Variants in N4BP2 observed in about 807,000 individuals in gnomAD.
N4BP2 encodes NEDD4-binding protein 2.
N4BP2 carries 91 observed loss-of-function variants against 152.8 expected under a neutral mutation model. The observed-to-expected ratio is 0.60, with a 90% CI of 0.50 to 0.71. The LOEUF is 0.71. Among genes scored for constraint, N4BP2 ranks in the 30% least tolerant of loss-of-function variants. N4BP2 has a pLI of 0.00. For missense variants in N4BP2, 1,923 were observed against 2,059.1 expected (o/e 0.93, Z 1.28); for synonymous variants, 646 against 705.3 (o/e 0.92, Z 1.33).
chr4:40,164,336 T>G, the N4BP2 span, among the ~76,000 whole-genome samples: 1 of 152,140 alleles, frequency 6.6e-6, no homozygotes, highest in Non-Finnish European at 1.5e-5. Flanking sequence ...TGGGTATTTG[T>G]TCCTAAGGGA....
downstream of N4BP2, among the ~76,000 whole-genome samples, chr4:40,159,017 C>T (rs1442851305): frequency 3.3e-5 from 5 of 152,096 alleles, no homozygotes; most frequent in African/African-American, 9.7e-5. Context: ...GGGATACTCT[C>T]GTATATGTTA....
intron 2 of N4BP2, among the ~76,000 whole-genome samples, chr4:40,082,005 G>A (rs1254900305): frequency 5.3e-5 from 8 of 152,218 alleles, no homozygotes; most frequent in Middle Eastern, 3.4e-3. Context: ...CCAGCTATTC[G>A]GGAGGCTGAG....
In N4BP2 at chr4:40,097,344, C is replaced by T; in HGVS notation, c.4C>T (p.Pro2Ser). The T allele has an allele frequency of 6.2e-7, 1 of 1,612,236 alleles. No individual in the cohort carries two copies. The highest frequency in any genetic ancestry group is 8.5e-7 in the Non-Finnish European group (1 of 1,178,606). M[P>S]RRRKNLGGNP... is the part of the protein sequence containing the mutation. ...CATTTTAGTTTTGGAAGTCAGAATGCCAAGGAGAAGGAAAAATCTTGGGGG... is the reference window on the plus strand; with the variant it reads ...CATTTTAGTTTTGGAAGTCAGAATGTCAAGGAGAAGGAAAAATCTTGGGGG... The change falls in exon 3 of 18, where the codon CCA becomes TCA. Residue 2 changes from proline (P) to serine (S), a missense_variant. By Grantham distance (74) the Pro-to-Ser change is moderately conservative (BLOSUM62 -1). Coordinates refer to ENST00000261435, the MANE Select transcript of N4BP2 (RefSeq NM_018177.6).
Position 40,112,069 on chromosome 4 carries a change from T to C in N4BP2, c.1499-15T>C, listed in dbSNP as rs1716937580. On this transcript the variant is annotated splice_polypyrimidine_tract_variant and intron_variant, in intron 5 of 17. Transcript: ENST00000261435. ...TTGTTTAAAAAATGATTTTTAATTA[T>C]GTTATGTTTTTCAGCAAAAGAAGCA... is the stretch of plus-strand genomic sequence containing the variant. The C allele has an allele frequency of 6.2e-6, 8 of 1,289,990 alleles. No individual in the cohort carries two copies. In the African/African-American group the frequency reaches 7.5e-5, roughly 12 times the overall value. 79.9% of individuals were successfully genotyped at this position (1,289,990 alleles called of 1,614,324 possible).
intron 2 of N4BP2, among the ~76,000 whole-genome samples, chr4:40,078,630 A>G (rs867759923): frequency 4.6e-5 from 7 of 151,016 alleles, no homozygotes; most frequent in Admixed American, 1.3e-4. Flanking sequence ...GGCTCAACTG[A>G]TCCTCTCACC....
At chr4:40,087,798 G>T (rs1357939566) in intron 2 of N4BP2, among the ~76,000 whole-genome samples, 2 of 151,972 alleles carry the variant, frequency 1.3e-5, no homozygotes, top group South Asian at 2.1e-4. Context: ...TGTTGCCCAG[G>T]CTGAATGGCT....
At chr4:40,096,489 T>C (rs1309689002) in intron 2 of N4BP2, among the ~76,000 whole-genome samples, 1 of 152,162 alleles carries the variant, frequency 6.6e-6, no homozygotes, top group Admixed American at 6.6e-5. Context: ...GTCCAGGTTA[T>C]GGGCCATTTT....
chr4:40,132,127 A>G lies in N4BP2; in HGVS notation c.4646+208A>G, dbSNP rs142620956. Among the ~76,000 whole-genome samples, 361 of 152,246 alleles carry G rather than the reference A, an allele frequency of 2.4e-3. 1 individual carries two copies. Among genetic ancestry groups the G allele is most frequent in the African/African-American group, 8.2e-3 (341 of 41,548 alleles). On this transcript the variant is annotated intron_variant, in intron 13 of 17. Transcript: ENST00000261435. ...CCTCTATATACTATGTTTTTTTCCT[A>G]TAAATAAGAATTGATTTACAAATTA...
In N4BP2 at chr4:40,120,325, T is replaced by G. The variant is rs762217210; in HGVS notation, c.2214T>G (p.Asp738Glu). ...CCSENNQEDC[D>E]LANSGPLQNE... Reference sequence around the variant, plus strand: ...GTGAAAATAATCAAGAAGACTGTGATCTTGCAAATAGTGGACCACTTCAAA... The same window carrying G: ...GTGAAAATAATCAAGAAGACTGTGAGCTTGCAAATAGTGGACCACTTCAAA... Residue 738 changes from aspartate to glutamate, a missense_variant, in exon 9 of 18, where the codon GAT (aspartate) becomes GAG (glutamate). Asp to Glu is a conservative substitution (Grantham distance 45, BLOSUM62 2). Transcript: ENST00000261435. 6.2e-7 allele frequency: 1 copy of G among 1,612,796 alleles called. No homozygotes were observed. The highest frequency in any genetic ancestry group is 2.2e-5 in the East Asian group (1 of 44,872).
At chr4:40,094,738 G>A (rs191762653) in intron 2 of N4BP2, among the ~76,000 whole-genome samples, 107 of 151,508 alleles carry the variant, frequency 7.1e-4, no homozygotes, top group African/African-American at 2.5e-3. Flanking sequence ...TTTTAGTGGA[G>A]ATGGGGTTTC....
At chr4:40,106,793 C>T (rs1404507630) in intron 4 of N4BP2, 107 bp from the exon 5 acceptor site, 1 of 1,092,190 alleles carries the variant, frequency 9.2e-7, no homozygotes, top group African/African-American at 1.6e-5. Flanking sequence ...AAGTGATCCA[C>T]AAAATGATAG....
At chr4:40,062,137 G>T (rs1733710661) in intron 1 of N4BP2, among the ~76,000 whole-genome samples, 1 of 139,270 alleles carries the variant, frequency 7.2e-6, no homozygotes, top group Non-Finnish European at 1.5e-5. Context: ...GGAGTGCAGT[G>T]GTGCGATCTT....
At chr4:40,186,683 G>A in the N4BP2 span, among the ~76,000 whole-genome samples, 1 of 152,326 alleles carries the variant, frequency 6.6e-6, no homozygotes, top group East Asian at 1.9e-4. Context: ...TATATTGTGA[G>A]CATGTTCCCA....
At chr4:40,117,781 T>C in intron 7 of N4BP2, 88 bp from the exon 8 acceptor site, 2 of 1,108,876 alleles carry the variant, frequency 1.8e-6, no homozygotes, top group Non-Finnish European at 2.5e-6. Context: ...ATTAGAAATA[T>C]ATTATTGTTT....
the N4BP2 span, among the ~76,000 whole-genome samples, chr4:40,180,073 A>G: frequency 6.6e-6 from 1 of 152,062 alleles, no homozygotes; most frequent in Non-Finnish European, 1.5e-5. Context: ...CTAGAGTGGT[A>G]AAATCTTTCT....
At chr4:40,137,907 T>A (rs1175881686) in intron 14 of N4BP2, among the ~76,000 whole-genome samples, 1 of 151,930 alleles carries the variant, frequency 6.6e-6, no homozygotes, top group Non-Finnish European at 1.5e-5. Flanking sequence ...TGCCCTGGAG[T>A]GGGAGAACTC....
At chr4:40,100,501 C>T (rs1002299908) in intron 3 of N4BP2, among the ~76,000 whole-genome samples, 1 of 151,908 alleles carries the variant, frequency 6.6e-6, no homozygotes, top group Non-Finnish European at 1.5e-5. Context: ...CCTACCTCAG[C>T]CTCCTATGTG....
In N4BP2 at chr4:40,156,070, A is replaced by G. The variant is rs185778521; in HGVS notation, c.*1833A>G. 3.4e-4 allele frequency: 52 copies of G among 152,300 alleles called. No homozygotes were observed. Among genetic ancestry groups the G allele is most frequent in the African/African-American group, 1.1e-3 (46 of 41,572 alleles). 9.4% of individuals were successfully genotyped at this position (152,300 alleles called of 1,614,324 possible). ...ATTAAAAATAAAGCAGTTCCTTTAA[A>G]CAACTTACTATGAAACTATAATTGT... is the stretch of plus-strand genomic sequence containing the variant. On this transcript the variant is annotated 3_prime_UTR_variant, in exon 18 of 18. Transcript: ENST00000261435.
At chr4:40,150,714 A>G (rs2109283514) in intron 16 of N4BP2, among the ~76,000 whole-genome samples, 1 of 152,042 alleles carries the variant, frequency 6.6e-6, no homozygotes, top group South Asian at 2.1e-4. Context: ...AAATGATCCA[A>G]TTTTTTTCAA....
Sources: allele counts gnomAD v4.1 joint callset (sites outside exome capture counted in the v4.1 genomes callset), GRCh38; gene constraint gnomAD v4.1.1; transcripts MANE v1.5; gene names NCBI Gene and HGNC (gene_info 2026-07-23, HGNC 2026-07-21).